Variants in MYO3B observed in about 807,000 individuals in gnomAD.
MYO3B encodes myosin IIIB.
Under a neutral mutation model 174.6 loss-of-function variants are expected in MYO3B, and 156 were observed. The ratio of observed to expected loss-of-function variants is 0.89; its 90% CI spans 0.78 to 1.02. MYO3B has a LOEUF of 1.02. Among genes scored for constraint, MYO3B ranks in the 50% least tolerant of loss-of-function variants. MYO3B has a pLI of 0.00. For missense variants in MYO3B, 1,632 were observed against 1,639.4 expected (o/e 1.00, Z 0.08); for synonymous variants, 563 against 569.1 (o/e 0.99, Z 0.15).
chr2:170,580,704 A>T (rs915074653), intron 32 of MYO3B, among the ~76,000 whole-genome samples: 1 of 144,298 alleles, frequency 6.9e-6, no homozygotes, highest in Non-Finnish European at 1.5e-5. Context: ...TTCAGGTCCC[A>T]CAAAACCTTA....
At chr2:170,546,889 C>T (rs939285072) in intron 32 of MYO3B, among the ~76,000 whole-genome samples, 1 of 152,104 alleles carries the variant, frequency 6.6e-6, no homozygotes, top group African/African-American at 2.4e-5. Flanking sequence ...CTTCGTTATT[C>T]TATGAAGGGG....
chr2:170,648,745 AT>A (rs1308418802), intron 32 of MYO3B, among the ~76,000 whole-genome samples: 8 of 109,284 alleles, frequency 7.3e-5, no homozygotes, highest in Non-Finnish European at 1.1e-4. Flanking sequence ...TATATTCTAT[AT>A]AATGTATTAT....
intron 22 of MYO3B, among the ~76,000 whole-genome samples, chr2:170,434,073 A>G (rs2094731696): frequency 6.6e-6 from 1 of 152,346 alleles, no homozygotes; most frequent in Admixed American, 6.5e-5. Context: ...GCTGTGTCAT[A>G]TTTTGTGGCT....
chr2:170,347,780 A>G (rs1208611133), intron 8 of MYO3B, among the ~76,000 whole-genome samples: 2 of 152,214 alleles, frequency 1.3e-5, no homozygotes. Flanking sequence ...TTAACCGTCT[A>G]AAAGTGAACA....
intron 23 of MYO3B, among the ~76,000 whole-genome samples, chr2:170,452,791 A>G (rs2105931383): frequency 6.6e-6 from 1 of 152,348 alleles, no homozygotes; most frequent in East Asian, 1.9e-4. Context: ...AAAAATTAAG[A>G]CAGGAAATCA....
intron 32 of MYO3B, among the ~76,000 whole-genome samples, chr2:170,628,225 C>A (rs1000582368): frequency 6.6e-6 from 1 of 152,248 alleles, no homozygotes; most frequent in African/African-American, 2.4e-5. Flanking sequence ...GCTTTGTTTA[C>A]CTACTCAAGC....
At chr2:170,237,857 G>C (rs1473672444) in intron 7 of MYO3B, among the ~76,000 whole-genome samples, 1 of 152,148 alleles carries the variant, frequency 6.6e-6, no homozygotes, top group African/African-American at 2.4e-5. Context: ...CTGTGCAAAT[G>C]ATGAATCAGA....
intron 7 of MYO3B, 131 bp downstream of exon 7, chr2:170,236,267 G>C: frequency 3.6e-5 from 33 of 926,166 alleles, no homozygotes; most frequent in East Asian, 1.1e-4. Context: ...TATTTTCTTT[G>C]AAAAAGCAAG....
At chr2:170,217,546 G>A (rs1416134111) in intron 6 of MYO3B, 151 bp downstream of exon 6, 23 of 701,130 alleles carry the variant, frequency 3.3e-5, no homozygotes, top group African/African-American at 5.3e-5. Context: ...TTTGGTCAGC[G>A]ATGCTGGTGA....
At chr2:170,630,638 C>T (rs1162256238) in intron 32 of MYO3B, among the ~76,000 whole-genome samples, 1 of 152,230 alleles carries the variant, frequency 6.6e-6, no homozygotes, top group Non-Finnish European at 1.5e-5. Flanking sequence ...CTAGGAGACA[C>T]CTCCCAGTAG....
chr2:170,599,538 G>A lies in MYO3B; in HGVS notation c.3734-52090G>A, dbSNP rs187407845. Among the ~76,000 whole-genome samples, 682 of 152,254 alleles carry A rather than the reference G, an allele frequency of 4.5e-3. 4 individuals carry two copies. The highest frequency in any genetic ancestry group is 0.031 in the Middle Eastern group (9 of 294). Reference sequence around the variant, plus strand: ...AAGGCAGGCGGATCATTTGAGGTCAGGAGTTAGTGACTAGCCTGGCCAACA... The same window carrying A: ...AAGGCAGGCGGATCATTTGAGGTCAAGAGTTAGTGACTAGCCTGGCCAACA... On this transcript the variant is annotated intron_variant, in intron 32 of 34. Coordinates refer to ENST00000408978, the MANE Select transcript of MYO3B (RefSeq NM_138995.5).
chr2:170,545,853 T>G (rs1690448097), intron 32 of MYO3B, among the ~76,000 whole-genome samples: 1 of 152,186 alleles, frequency 6.6e-6, no homozygotes, highest in South Asian at 2.1e-4. Flanking sequence ...TTAGCTTCTC[T>G]TATGCCAACA....
At chr2:170,292,876 A>C (rs1265677978) in intron 7 of MYO3B, among the ~76,000 whole-genome samples, 1 of 152,164 alleles carries the variant, frequency 6.6e-6, no homozygotes, top group Non-Finnish European at 1.5e-5. Flanking sequence ...TTGTCTTTGC[A>C]GGCAGTATGA....
At chr2:170,301,769 C>T (rs1393589964) in intron 7 of MYO3B, among the ~76,000 whole-genome samples, 1 of 151,588 alleles carries the variant, frequency 6.6e-6, no homozygotes, top group Non-Finnish European at 1.5e-5. Context: ...AGTGACGACA[C>T]GTGGTCCAGT....
intron 7 of MYO3B, among the ~76,000 whole-genome samples, chr2:170,306,918 A>G (rs900242253): frequency 2.0e-5 from 3 of 152,164 alleles, no homozygotes; most frequent in African/African-American, 7.2e-5. Flanking sequence ...ATTTCTTTTT[A>G]CAAGTAGCTT....
intron 7 of MYO3B, among the ~76,000 whole-genome samples, chr2:170,332,745 C>G (rs1282461087): frequency 6.6e-6 from 1 of 152,064 alleles, no homozygotes; most frequent in African/African-American, 2.4e-5. Context: ...TGGTGGTGAC[C>G]TGGGTGAGTG....
intron 28 of MYO3B, among the ~76,000 whole-genome samples, chr2:170,503,478 A>G: frequency 2.6e-5 from 1 of 38,762 alleles, no homozygotes; most frequent in Admixed American, 2.7e-4. Context: ...TTTTTTTTTT[A>G]GCCTTGCAAG....
intron 7 of MYO3B, among the ~76,000 whole-genome samples, chr2:170,236,632 G>C (rs2093074019): frequency 6.6e-6 from 1 of 152,206 alleles, no homozygotes; most frequent in Non-Finnish European, 1.5e-5. Flanking sequence ...TGTGCGGAAA[G>C]AGGTCTGTTT....
intron 7 of MYO3B, among the ~76,000 whole-genome samples, chr2:170,298,547 G>A (rs13402921): frequency 6.6e-6 from 1 of 151,392 alleles, no homozygotes; most frequent in Non-Finnish European, 1.5e-5. Context: ...TGCTGGCGGG[G>A]ACCTGTAATC....
Sources: gnomAD v4.1 joint callset for allele counts (sites outside exome capture counted in the v4.1 genomes callset) on GRCh38, gnomAD v4.1.1 for gene constraint, MANE v1.5 for transcripts, NCBI Gene and HGNC (gene_info 2026-07-23, HGNC 2026-07-21) for gene names.